Variants in EBF2 observed in about 807,000 individuals in gnomAD.
EBF2 encodes the protein transcription factor COE2.
EBF2 carries 21 observed loss-of-function variants against 72.8 expected under a neutral mutation model. The ratio of observed to expected loss-of-function variants is 0.29; its 90% confidence interval spans 0.20 to 0.42. The LOEUF is 0.42. EBF2 is among the 10% of genes least tolerant of loss of function. The pLI is 1.00. For synonymous variants in EBF2, 299 were observed against 274.2 expected (o/e 1.09, Z -0.89); for missense variants, 637 against 731.2 (o/e 0.87, Z 1.49).
intron 6 of EBF2, among the ~76,000 whole-genome samples, chr8:25,993,472 A>G (rs1450671243): frequency 6.6e-6 from 1 of 152,178 alleles, no homozygotes; most frequent in Non-Finnish European, 1.5e-5. Flanking sequence ...ATGCATCTCA[A>G]TTTCATTCAC....
chr8:25,886,466 A>ATGTGGTTACATGGATATC (rs1802690958), intron 10 of EBF2, among the ~76,000 whole-genome samples: 2 of 152,224 alleles, frequency 1.3e-5, no homozygotes, highest in Non-Finnish European at 2.9e-5. Context: ...TAATCTGACC[A>ATGTGGTTACATGGATATC]TGTGGATAAA....
intron 6 of EBF2, among the ~76,000 whole-genome samples, chr8:25,979,017 TCTCCGAATACCGTAG>T (rs1378244637): frequency 6.6e-6 from 1 of 152,058 alleles, no homozygotes; most frequent in African/African-American, 2.4e-5. Context: ...CACGGAGGGT[TCTCCGAATACCGTAG>T]CTCATCTGAA....
At chr8:26,008,759 A>T (rs528417618) in intron 6 of EBF2, among the ~76,000 whole-genome samples, 1 of 151,432 alleles carries the variant, frequency 6.6e-6, no homozygotes, top group East Asian at 2.0e-4. Context: ...AGAGGAAAAA[A>T]GTTACTCTGC....
chr8:26,029,405 T>C (rs1051067750), intron 6 of EBF2, among the ~76,000 whole-genome samples: 1 of 152,176 alleles, frequency 6.6e-6, no homozygotes, highest in Non-Finnish European at 1.5e-5. Flanking sequence ...TTGTTATACG[T>C]TTTTGATTAA....
At chr8:25,944,800 T>C (rs575006365) in intron 6 of EBF2, among the ~76,000 whole-genome samples, 1 of 149,968 alleles carries the variant, frequency 6.7e-6, no homozygotes, top group African/African-American at 2.4e-5. Flanking sequence ...CATGTATATG[T>C]ATTTATATAC....
At chr8:25,966,436 T>C (rs1207604269) in intron 6 of EBF2, among the ~76,000 whole-genome samples, 2 of 152,144 alleles carry the variant, frequency 1.3e-5, no homozygotes, top group African/African-American at 4.8e-5. Context: ...TTCCGGACTC[T>C]ACCCTCATCC....
At position 25,908,094 on chromosome 8, in the gene EBF2, G is replaced by A. The variant is rs115349916; in HGVS notation, c.633+380C>T. On this transcript the variant is annotated intron_variant, in intron 7 of 15. Coordinates refer to ENST00000520164, the MANE Select transcript of EBF2 (RefSeq NM_022659.4). ...ACTGAATAGTTAATCGGTGGAAAAG[G>A]GAAGACAGGAGCTGTTGCTTGCAGA... Among the ~76,000 whole-genome samples, 512 of 152,306 alleles carry A rather than the reference G, an allele frequency of 3.4e-3. 3 individuals are homozygous for A. The highest frequency in any genetic ancestry group is 0.012 in the African/African-American group (491 of 41,562).
rs114944021 is a variant in EBF2 at position 26,012,418 on chromosome 8, G to A, written c.551+20667C>T. 3.5e-4 allele frequency among the ~76,000 whole-genome samples: 54 copies of A among 152,258 alleles called. 1 individual carries two copies. Among genetic ancestry groups the A allele is most frequent in the African/African-American group, 1.3e-3 (52 of 41,554 alleles). ...TAACTTGAAATAGCTGGAGAAATAT[G>A]CCTTAACCCTAAATTGAAAATCATT... On this transcript the variant is annotated intron_variant, in intron 6 of 15. Transcript: ENST00000520164.
chr8:25,960,687 G>A (rs957864695), intron 6 of EBF2, among the ~76,000 whole-genome samples: 2 of 152,082 alleles, frequency 1.3e-5, no homozygotes, highest in Non-Finnish European at 2.9e-5. Context: ...ATATTCAAGA[G>A]CCTTTGGTCT....
intron 6 of EBF2, among the ~76,000 whole-genome samples, chr8:25,995,032 G>A (rs563364102): frequency 7.9e-5 from 12 of 152,272 alleles, no homozygotes; most frequent in East Asian, 1.9e-4. Context: ...TACAGTAGGC[G>A]TGGTGGCTCA....
At position 25,853,525 on chromosome 8, in the gene EBF2, T is replaced by A. The variant is rs550203979; in HGVS notation, c.1529-2764A>T. Among the ~76,000 whole-genome samples the A allele has an allele frequency of 8.1e-4, 123 of 151,920 alleles. 2 individuals are homozygous for A. The highest frequency in any genetic ancestry group is 2.9e-3 in the African/African-American group (120 of 41,442). Reference sequence around the variant, plus strand: ...AAAAACTTAACAGGGCGGGGAAACATATAATAATCTTTCTTTTCTAAGGGA... The same window carrying A: ...AAAAACTTAACAGGGCGGGGAAACAAATAATAATCTTTCTTTTCTAAGGGA... On this transcript the variant is annotated intron_variant, in intron 14 of 15. Coordinates refer to ENST00000520164, the MANE Select transcript of EBF2 (RefSeq NM_022659.4).
chr8:25,882,316 C>T (rs1294797944), intron 10 of EBF2, among the ~76,000 whole-genome samples: 2 of 152,132 alleles, frequency 1.3e-5, no homozygotes, highest in Non-Finnish European at 2.9e-5. Context: ...GGGGACTTTT[C>T]CCATTTCAGT....
intron 6 of EBF2, among the ~76,000 whole-genome samples, chr8:25,945,125 C>T (rs1803746331): frequency 8.7e-6 from 1 of 115,580 alleles, no homozygotes; most frequent in African/African-American, 3.4e-5. Flanking sequence ...ATGTTCCAAG[C>T]TTCTTCAGGC....
intron 6 of EBF2, among the ~76,000 whole-genome samples, chr8:25,928,073 C>T (rs574954764): frequency 2.6e-5 from 4 of 152,046 alleles, no homozygotes; most frequent in South Asian, 2.1e-4. Context: ...CAAAACTTTG[C>T]GAATCTGTCA....
chr8:25,873,084 C>T (rs1379438031), intron 10 of EBF2, among the ~76,000 whole-genome samples: 1 of 152,180 alleles, frequency 6.6e-6, no homozygotes, highest in Admixed American at 6.5e-5. Context: ...TCCCTTCTGC[C>T]CTATTCCTCA....
chr8:26,026,856 A>T (rs956550814), intron 6 of EBF2, among the ~76,000 whole-genome samples: 2 of 152,180 alleles, frequency 1.3e-5, no homozygotes, highest in African/African-American at 4.8e-5. Context: ...TGGCTATGTG[A>T]CCTTGGCTGA....
At position 26,044,048 on chromosome 8, in the gene EBF2, T is replaced by C. The variant is rs1805656184; in HGVS notation, c.131+681A>G. ...TCGCCTCTTTCTTCTTCCGCAACTC[T>C]TTCTACTGTGACTCAGTATTTTCTC... On this transcript the variant is annotated intron_variant, in intron 1 of 15. Coordinates refer to ENST00000520164, the MANE Select transcript of EBF2 (RefSeq NM_022659.4). The surrounding 1 kb of genome is among the most constrained non-coding windows in gnomAD (Gnocchi z 4.1). 6.6e-6 allele frequency among the ~76,000 whole-genome samples: 1 copy of C among 152,230 alleles called. No individual in the cohort carries two copies. Among genetic ancestry groups the C allele is most frequent in the Non-Finnish European group, 1.5e-5 (1 of 68,048 alleles).
intron 7 of EBF2, among the ~76,000 whole-genome samples, chr8:25,905,818 G>A (rs909893230): frequency 2.6e-5 from 4 of 152,168 alleles, no homozygotes; most frequent in Admixed American, 1.3e-4. Flanking sequence ...GGTTAAAATG[G>A]TGAATTGTAT....
chr8:25,907,057 C>T (rs1035242084), intron 7 of EBF2, among the ~76,000 whole-genome samples: 1 of 152,000 alleles, frequency 6.6e-6, no homozygotes, highest in Non-Finnish European at 1.5e-5. Context: ...ACCACAGAAG[C>T]TCTCCAGCAG....
Sources: allele counts gnomAD v4.1 joint callset (sites outside exome capture counted in the v4.1 genomes callset), GRCh38; gene constraint gnomAD v4.1.1; non-coding constraint Gnocchi (gnomAD v3.1); transcripts MANE v1.5; gene names NCBI Gene and HGNC (gene_info 2026-07-23, HGNC 2026-07-21).